CDC42SE2: variants seen among roughly 807,000 people sequenced by gnomAD.
CDC42SE2 encodes CDC42 small effector 2, also known as CDC42 small effector protein 2.
A neutral mutation model predicts 11.5 loss-of-function variants in CDC42SE2; 3 were observed. That is an observed-to-expected ratio of 0.26 (90% CI 0.12 to 0.67). CDC42SE2 has a LOEUF of 0.67. CDC42SE2 is among the 30% of genes least tolerant of loss of function. CDC42SE2 has a pLI of 0.80. For synonymous variants in CDC42SE2, 33 were observed against 34.8 expected, an observed-to-expected ratio of 0.95 and a Z score of 0.18; for missense variants, 82 against 106.8, an observed-to-expected ratio of 0.77 and a Z score of 1.02.
upstream of CDC42SE2, among the ~76,000 whole-genome samples, chr5:131,241,603 T>C (rs1266883212): frequency 2.0e-5 from 3 of 152,172 alleles, no homozygotes; most frequent in Non-Finnish European, 2.9e-5. Context: ...AAGTGAATTG[T>C]CTTTCCCCTT....
rs35818778 is a variant in CDC42SE2 at position 131,342,388 on chromosome 5, C to CTTTTTTTTTTTTTTTTTTTTTTTTTTTT, written c.-285-16802_-285-16801insTTTTTTTTTTTTTTTTTTTTTTTTTTTT. On this transcript the variant is annotated intron_variant, in intron 2 of 4. Transcript: ENST00000505065. ...TCAGAGATTTGCCATTTTTAATAGT[C>CTTTTTTTTTTTTTTTTTTTTTTTTTTTT]TTTTTTTTTTTTTTTTTTTAAGATA... 9.0e-5 allele frequency among the ~76,000 whole-genome samples: 10 copies of CTTTTTTTTTTTTTTTTTTTTTTTTTTTT among 111,334 alleles called. 2 individuals are homozygous for CTTTTTTTTTTTTTTTTTTTTTTTTTTTT. The highest frequency in any genetic ancestry group is 4.0e-4 in the African/African-American group (9 of 22,548). The allele number at this position is 111,334 out of a possible 152,430, so 73.0% of individuals were successfully genotyped here.
chr5:131,357,548 A>G (rs1749586591), intron 2 of CDC42SE2, among the ~76,000 whole-genome samples: 1 of 152,212 alleles, frequency 6.6e-6, no homozygotes, highest in African/African-American at 2.4e-5. Context: ...TGTGGTTGTT[A>G]CTGATCTATA....
rs1449727804 is a variant in CDC42SE2, at chr5:131,355,770, T to C, written c.-285-3439T>C. ...TTTCACATCAAAACATTATTATTTTTCTTTGGAAGTTGACCTAAAAAGCAT... is the reference window on the plus strand; with the variant it reads ...TTTCACATCAAAACATTATTATTTTCCTTTGGAAGTTGACCTAAAAAGCAT... On this transcript the variant is annotated intron_variant, in intron 2 of 4. Transcript: ENST00000505065. 2.6e-5 allele frequency among the ~76,000 whole-genome samples: 4 copies of C among 152,188 alleles called. No homozygotes were observed. The East Asian group carries it at 7.7e-4, about 29-fold the overall frequency.
At chr5:131,316,912 T>G (rs1365397307) in intron 2 of CDC42SE2, among the ~76,000 whole-genome samples, 1 of 152,236 alleles carries the variant, frequency 6.6e-6, no homozygotes, top group Non-Finnish European at 1.5e-5. Flanking sequence ...GCCATGTTTT[T>G]TAGTGTCGCA....
chr5:131,350,211 A>G (rs1758971719), intron 2 of CDC42SE2, among the ~76,000 whole-genome samples: 1 of 152,122 alleles, frequency 6.6e-6, no homozygotes, highest in South Asian at 2.1e-4. Flanking sequence ...CAAGAAACGT[A>G]TAATTTAGAC....
intron 1 of CDC42SE2, among the ~76,000 whole-genome samples, chr5:131,293,269 T>C (rs1437775159): frequency 6.6e-6 from 1 of 152,036 alleles, no homozygotes; most frequent in Admixed American, 6.6e-5. Context: ...GAAGGTACCG[T>C]CTAAGAGAAA....
In CDC42SE2 at chr5:131,283,394, A is replaced by G. The variant is rs949081978; in HGVS notation, c.-455+19228A>G. 1.3e-5 allele frequency among the ~76,000 whole-genome samples: 2 copies of G among 152,076 alleles called. 1 individual carries two copies. Among genetic ancestry groups the G allele is most frequent in the South Asian group, 4.1e-4 (2 of 4,822 alleles). On this transcript the variant is annotated intron_variant, in intron 1 of 4. Coordinates refer to ENST00000505065, the MANE Select transcript of CDC42SE2 (RefSeq NM_001375635.1). ...CTAGATTTGCCTCTTTGGACATTTA[A>G]TGTAAGTGGAATCATGCGATATGTG...
chr5:131,298,273 T>C (rs1469324184), intron 1 of CDC42SE2, among the ~76,000 whole-genome samples: 3 of 151,684 alleles, frequency 2.0e-5, no homozygotes, highest in Non-Finnish European at 4.4e-5. Context: ...TGGCTAATTT[T>C]TATTTTTTTT....
At chr5:131,384,913 C>CCA (rs1750433922) in intron 3 of CDC42SE2, among the ~76,000 whole-genome samples, 4 of 72,084 alleles carry the variant, frequency 5.5e-5, no homozygotes, top group Non-Finnish European at 1.2e-4. Flanking sequence ...GACTCCATCT[C>CCA]AAAAAAAAAA....
At chr5:131,338,141 T>G (rs1033115243) in intron 2 of CDC42SE2, among the ~76,000 whole-genome samples, 3 of 152,256 alleles carry the variant, frequency 2.0e-5, no homozygotes, top group Admixed American at 2.0e-4. Context: ...ATTTAGTAAC[T>G]GTGTTATATA....
intron 2 of CDC42SE2, among the ~76,000 whole-genome samples, chr5:131,341,500 A>G (rs1415379167): frequency 3.9e-5 from 6 of 152,246 alleles, no homozygotes; most frequent in African/African-American, 1.4e-4. Flanking sequence ...CCCACTTCTT[A>G]GGAAGCCAGG....
rs1750781561 is a variant in CDC42SE2 at position 131,394,219 on chromosome 5, A to T, written c.*3128A>T. 6.6e-6 allele frequency: 1 copy of T among 152,364 alleles called. No homozygotes were observed. The highest frequency in any genetic ancestry group is 6.5e-5 in the Admixed American group (1 of 15,286). The allele number at this position is 152,364 out of a possible 1,614,324, so 9.4% of individuals were successfully genotyped here. A position where few individuals can be genotyped will look rare whatever the true frequency, so the allele number is the denominator to read the frequency against. On this transcript the variant is annotated 3_prime_UTR_variant, in exon 5 of 5. Coordinates refer to ENST00000505065, the MANE Select transcript of CDC42SE2 (RefSeq NM_001375635.1). ...ATACTGTTAATCTTTGCTGAAATATATGCTAACAAATGTTAAGCAAGGGAA... is the reference window on the plus strand; with the variant it reads ...ATACTGTTAATCTTTGCTGAAATATTTGCTAACAAATGTTAAGCAAGGGAA...
At chr5:131,338,340 C>T (rs1758626815) in intron 2 of CDC42SE2, among the ~76,000 whole-genome samples, 1 of 152,194 alleles carries the variant, frequency 6.6e-6, no homozygotes, top group Non-Finnish European at 1.5e-5. Flanking sequence ...CTCAAGTCTA[C>T]ATGGCGGTCC....
At chr5:131,310,878 G>A (rs2149724157) in intron 1 of CDC42SE2, among the ~76,000 whole-genome samples, 1 of 152,014 alleles carries the variant, frequency 6.6e-6, no homozygotes, top group East Asian at 1.9e-4. Context: ...GCACACTGAT[G>A]GGTCTTGACT....
chr5:131,358,231 G>A (rs1749609576), intron 2 of CDC42SE2, among the ~76,000 whole-genome samples: 1 of 152,090 alleles, frequency 6.6e-6, no homozygotes, highest in Non-Finnish European at 1.5e-5. Context: ...CTTGACTATT[G>A]TAGTAGTCTG....
At chr5:131,295,095 C>T (rs563728432) in intron 1 of CDC42SE2, among the ~76,000 whole-genome samples, 1 of 151,542 alleles carries the variant, frequency 6.6e-6, no homozygotes, top group South Asian at 2.1e-4. Context: ...CCACTGCGCT[C>T]CATTCTGGGT....
intron 2 of CDC42SE2, among the ~76,000 whole-genome samples, chr5:131,321,504 T>A (rs188488185): frequency 2.6e-5 from 4 of 152,278 alleles, no homozygotes; most frequent in African/African-American, 9.6e-5. Context: ...AAAATGGTAC[T>A]GATATTGCCT....
At chr5:131,345,802 T>C (rs541259753) in intron 2 of CDC42SE2, among the ~76,000 whole-genome samples, 223 of 152,192 alleles carry the variant, frequency 1.5e-3, no homozygotes, top group South Asian at 3.5e-3. Flanking sequence ...GCAGATCTCT[T>C]GGCAGAAACT....
At chr5:131,227,939 G>C in the CDC42SE2 span, among the ~76,000 whole-genome samples, 1 of 152,246 alleles carries the variant, frequency 6.6e-6, no homozygotes, top group Non-Finnish European at 1.5e-5. Flanking sequence ...TGTAATCCCA[G>C]CACTTTGGGA....
Sources: gnomAD v4.1 joint callset for allele counts (sites outside exome capture counted in the v4.1 genomes callset) on GRCh38, gnomAD v4.1.1 for gene constraint, MANE v1.5 for transcripts, NCBI Gene and HGNC (gene_info 2026-07-23, HGNC 2026-07-21) for gene names.